The following RBM43 variants were observed in gnomAD, a reference collection of about 807,000 sequenced individuals.
RBM43 encodes the protein RNA-binding protein 43.
Under a neutral mutation model 12.4 loss-of-function variants are expected in RBM43, and 12 were observed. The ratio of observed to expected loss-of-function variants is 0.97; its 90% CI spans 0.62 to 1.57. The LOEUF is 1.57. Ranked by LOEUF, RBM43 falls within the 40% of genes most tolerant of loss-of-function variation. The pLI is 0.00. For synonymous variants in RBM43, 138 were observed against 145.7 expected (o/e 0.95, Z 0.38); for missense variants, 348 against 400.1 (o/e 0.87, Z 1.11).
rs1484815141 is a variant in RBM43, at chr2:151,250,274, A to T, written c.*632T>A. The T allele has an allele frequency of 1.3e-5, 2 of 152,190 alleles. No homozygotes were observed. Among genetic ancestry groups the T allele is most frequent in the African/African-American group, 2.4e-5 (1 of 41,444 alleles). 9.4% of individuals were successfully genotyped at this position (152,190 alleles called of 1,614,324 possible). On this transcript the variant is annotated 3_prime_UTR_variant, in exon 4 of 4. Coordinates refer to ENST00000331426, the MANE Select transcript of RBM43 (RefSeq NM_198557.3). ...TAATTATTATTCTCTAATAATTTGG[A>T]GTTACAGAGAAAGTAAGATTCCTTC...
intron 1 of RBM43, among the ~76,000 whole-genome samples, chr2:151,257,992 C>A (rs1573734994): frequency 2.0e-5 from 3 of 152,028 alleles, no homozygotes; most frequent in Admixed American, 2.0e-4. Flanking sequence ...TAGCTTAAAC[C>A]AGGGAGGCGG....
intron 1 of RBM43, among the ~76,000 whole-genome samples, chr2:151,258,316 C>A: frequency 6.7e-6 from 1 of 148,796 alleles, no homozygotes. Flanking sequence ...TGGACATGCA[C>A]ATAACATGCT....
intron 1 of RBM43, chr2:151,261,482 G>T (rs1683045990): frequency 6.5e-7 from 1 of 1,550,304 alleles, no homozygotes; most frequent in South Asian, 1.2e-5. Context: ...CGCCGTACGT[G>T]AATTTCAGGA....
At chr2:151,252,685 G>T in intron 3 of RBM43, 70 bp downstream of exon 3, 1 of 815,092 alleles carries the variant, frequency 1.2e-6, no homozygotes, top group Non-Finnish European at 2.1e-6. Flanking sequence ...TGTGTCGCCT[G>T]CCATAAGAAA....
intron 2 of RBM43, among the ~76,000 whole-genome samples, chr2:151,255,264 A>G (rs1194532722): frequency 6.6e-6 from 1 of 152,106 alleles, no homozygotes; most frequent in African/African-American, 2.4e-5. Flanking sequence ...AAAATAAAAA[A>G]TTTAGCTGGG....
intron 1 of RBM43, chr2:151,261,032 G>A: frequency 2.1e-6 from 1 of 484,862 alleles, no homozygotes; most frequent in South Asian, 2.7e-5. Context: ...TTTCAATGAC[G>A]ACGCCTCTAC....
At chr2:151,260,176 A>G (rs1310182017) in intron 1 of RBM43, among the ~76,000 whole-genome samples, 1 of 149,398 alleles carries the variant, frequency 6.7e-6, no homozygotes, top group Non-Finnish European at 1.5e-5. Context: ...CCCAGGCTGG[A>G]GAACAATGGC....
chr2:151,261,163 G>A (rs1320164429), intron 1 of RBM43: 2 of 1,382,752 alleles, frequency 1.4e-6, no homozygotes, highest in Non-Finnish European at 1.9e-6. Context: ...ACAAAACACA[G>A]AAGGATAAAT....
In RBM43 at chr2:151,251,151, T is replaced by C; in HGVS notation, c.829A>G (p.Lys277Glu). 1 of 1,613,992 alleles carries C rather than the reference T, an allele frequency of 6.2e-7. No individual in the cohort carries two copies. The highest frequency in any genetic ancestry group is 8.5e-7 in the Non-Finnish European group (1 of 1,179,950). The change falls in exon 4 of 4, where the codon AAA becomes GAA. Residue 277 changes from lysine (K) to glutamate (E), a missense_variant. Lys to Glu is a moderately conservative substitution (Grantham distance 56). Coordinates refer to ENST00000331426, the MANE Select transcript of RBM43 (RefSeq NM_198557.3). ...TGTGACCATTCCTCAATGAGCTCTT[T>C]TACATGTTTTGCATTGTTTGGCTGA... ...GSQPNNAKHV[K>E]ELIEEWSHAL...
At position 151,249,537 on chromosome 2, in the gene RBM43, A is replaced by T. The variant is rs1167198886; in HGVS notation, c.*1369T>A. 4.6e-5 allele frequency: 7 copies of T among 152,094 alleles called. No homozygotes were observed. Among genetic ancestry groups the T allele is most frequent in the Admixed American group, 4.6e-4 (7 of 15,248 alleles). 9.4% of individuals were successfully genotyped at this position (152,094 alleles called of 1,614,324 possible). The stretch of plus-strand genomic sequence containing the variant: ...GTAGGTGGGACTACAGGCGCCCACC[A>T]CCATGCCCGGCTAATTTTTGTATTT... On this transcript the variant is annotated 3_prime_UTR_variant, in exon 4 of 4. Coordinates refer to ENST00000331426, the MANE Select transcript of RBM43 (RefSeq NM_198557.3).
intron 1 of RBM43, among the ~76,000 whole-genome samples, chr2:151,256,940 G>A (rs1299992557): frequency 1.3e-5 from 2 of 152,212 alleles, no homozygotes; most frequent in Non-Finnish European, 2.9e-5. Flanking sequence ...CACTATTGCA[G>A]ACCCTGCCAC....
At chr2:151,251,853 G>A (rs1418934190) in intron 3 of RBM43, among the ~76,000 whole-genome samples, 189 bp from the exon 4 acceptor site, 2 of 152,102 alleles carry the variant, frequency 1.3e-5, no homozygotes. Flanking sequence ...GTTCAATTTG[G>A]GATTCACACT....
chr2:151,257,304 G>A lies in RBM43; in HGVS notation c.4-1561C>T, dbSNP rs967737016. On this transcript the variant is annotated intron_variant, in intron 1 of 3. Transcript: ENST00000331426. Reference sequence around the variant, plus strand: ...GAAGACAGTGTAAGAGCACGCATGCGTGCACAAACACACACACACACACAC... The same window carrying A: ...GAAGACAGTGTAAGAGCACGCATGCATGCACAAACACACACACACACACAC... Among the ~76,000 whole-genome samples the A allele has an allele frequency of 1.2e-3, 171 of 142,582 alleles. 1 individual carries two copies. Among genetic ancestry groups the A allele is most frequent in the African/African-American group, 3.8e-3 (151 of 40,180 alleles). The allele number at this position is 142,582 out of a possible 152,430, so 93.5% of individuals were successfully genotyped here.
rs1459252881 is a variant in RBM43 at position 151,248,201 on chromosome 2, C to T, written c.*2705G>A. ...GTGTGCTGAATTATGTGAGTAGGAC[C>T]AAAAGACAAGAGTGATTTTTAACAA... On this transcript the variant is annotated 3_prime_UTR_variant, in exon 4 of 4. Coordinates refer to ENST00000331426, the MANE Select transcript of RBM43 (RefSeq NM_198557.3). The T allele has an allele frequency of 1.3e-5, 2 of 152,030 alleles. No individual in the cohort carries two copies. Among genetic ancestry groups the T allele is most frequent in the Non-Finnish European group, 2.9e-5 (2 of 67,964 alleles). The allele number at this position is 152,030 out of a possible 1,614,324, so 9.4% of individuals were successfully genotyped here.
intron 1 of RBM43, among the ~76,000 whole-genome samples, chr2:151,257,015 T>C (rs1483701889): frequency 1.3e-5 from 2 of 152,192 alleles, no homozygotes; most frequent in Non-Finnish European, 2.9e-5. Flanking sequence ...TTTGAACTTA[T>C]ATTATCCAGT....
chr2:151,259,500 G>A (rs963087934), intron 1 of RBM43, among the ~76,000 whole-genome samples: 1 of 151,946 alleles, frequency 6.6e-6, no homozygotes, highest in East Asian at 1.9e-4. Flanking sequence ...ACAAAAATTA[G>A]TGGAGGCAGG....
In RBM43 at chr2:151,251,035, T is replaced by C. The variant is rs778965723; in HGVS notation, c.945A>G (p.Gln315=). The C allele has an allele frequency of 1.2e-6, 2 of 1,614,150 alleles. No individual in the cohort carries two copies. The highest frequency in any genetic ancestry group is 1.7e-6 in the Non-Finnish European group (2 of 1,179,974). Residue 315 remains glutamine (Q), a synonymous_variant, in exon 4 of 4, where the codon CAA becomes CAG. Transcript: ENST00000331426. ...GGACTTCAAGGTATCTCGAACTTAATTGTTCACATGCCCTTTTGATCATTC... is the reference window on the plus strand; with the variant it reads ...GGACTTCAAGGTATCTCGAACTTAACTGTTCACATGCCCTTTTGATCATTC... ...EKRMIKRACE[Q]LSSRYLEVLI...
At chr2:151,261,249 G>C (rs1054174181) in intron 1 of RBM43, 16 of 1,543,904 alleles carry the variant, frequency 1.0e-5, no homozygotes, top group Admixed American at 3.9e-5. Context: ...TTGCGTCCTT[G>C]GCTCGAATCG....
intron 2 of RBM43, 82 bp from the exon 3 acceptor site, chr2:151,252,937 T>G (rs895721233): frequency 3.3e-6 from 2 of 604,284 alleles, no homozygotes. Context: ...TATTCAATTA[T>G]AGAAGAATGT....
Sources: allele counts gnomAD v4.1 joint callset (sites outside exome capture counted in the v4.1 genomes callset), GRCh38; gene constraint gnomAD v4.1.1; transcripts MANE v1.5; gene names NCBI Gene and HGNC (gene_info 2026-07-23, HGNC 2026-07-21).